SLC24A2: variants seen among roughly 807,000 people sequenced by gnomAD.
SLC24A2 encodes the protein solute carrier family 24 member 2.
SLC24A2 carries 36 observed loss-of-function variants against 62.0 expected under a neutral mutation model. That is an observed-to-expected ratio of 0.58 (90% CI 0.44 to 0.77). The LOEUF (loss-of-function observed/expected upper bound fraction) is 0.77, where lower values mean the gene tolerates loss of function less well. Ranked by LOEUF, SLC24A2 falls within the 30% of genes least tolerant of loss-of-function variation. SLC24A2 has a pLI of 0.00. For synonymous variants in SLC24A2, 358 were observed against 294.0 expected (o/e 1.22, Z -2.23); for missense variants, 846 against 817.9 (o/e 1.03, Z -0.42).
chr9:19,533,372 A>C (rs941008103), intron 8 of SLC24A2, among the ~76,000 whole-genome samples: 1 of 152,226 alleles, frequency 6.6e-6, no homozygotes, highest in African/African-American at 2.4e-5. Flanking sequence ...GTGGACTGCA[A>C]AAATGGGCAC....
the SLC24A2 span, among the ~76,000 whole-genome samples, chr9:20,307,467 T>G: frequency 6.6e-6 from 1 of 152,246 alleles, no homozygotes; most frequent in Non-Finnish European, 1.5e-5. Context: ...TTCAAAGCAC[T>G]TTAACAACAA....
intron 4 of SLC24A2, among the ~76,000 whole-genome samples, chr9:19,608,605 G>A (rs1160413169): frequency 6.6e-6 from 1 of 152,162 alleles, no homozygotes. Context: ...AGTTTTCTCA[G>A]AGGTAAAACA....
chr9:19,740,891 G>A (rs576170061), intron 2 of SLC24A2, among the ~76,000 whole-genome samples: 40 of 150,980 alleles, frequency 2.6e-4, no homozygotes, highest in African/African-American at 9.7e-4. Context: ...AAAAGAGAGA[G>A]AGAAAACTAT....
At chr9:20,143,874 G>A in the SLC24A2 span, among the ~76,000 whole-genome samples, 1 of 152,148 alleles carries the variant, frequency 6.6e-6, no homozygotes, top group Non-Finnish European at 1.5e-5. Context: ...ATATTTTGAT[G>A]GTGCGTTATC....
chr9:19,770,388 A>T (rs1443225922), intron 2 of SLC24A2, among the ~76,000 whole-genome samples: 1 of 151,782 alleles, frequency 6.6e-6, no homozygotes, highest in African/African-American at 2.4e-5. Context: ...CAAGATTAAT[A>T]CTATATGCAT....
chr9:20,220,727 C>A, the SLC24A2 span, among the ~76,000 whole-genome samples: 1 of 152,104 alleles, frequency 6.6e-6, no homozygotes, highest in Non-Finnish European at 1.5e-5. Flanking sequence ...TCACGATGGC[C>A]TTACTTTTAA....
the SLC24A2 span, among the ~76,000 whole-genome samples, chr9:19,826,916 G>A: frequency 6.6e-6 from 1 of 152,036 alleles, no homozygotes; most frequent in East Asian, 1.9e-4. Flanking sequence ...GTGAGTCCTG[G>A]GAGCAGTTTG....
At chr9:20,103,419 C>T in the SLC24A2 span, among the ~76,000 whole-genome samples, 1 of 152,196 alleles carries the variant, frequency 6.6e-6, no homozygotes, top group Non-Finnish European at 1.5e-5. Flanking sequence ...GACCCCTGAC[C>T]CCCGAGCAGC....
the SLC24A2 span, among the ~76,000 whole-genome samples, chr9:20,017,495 A>G: frequency 1.3e-5 from 2 of 152,184 alleles, no homozygotes; most frequent in Non-Finnish European, 2.9e-5. Context: ...AAGGGACAGA[A>G]CTAATAGGAT....
chr9:19,528,179 C>G, intron 8 of SLC24A2, 41 bp from the exon 9 acceptor site: 1 of 1,265,146 alleles, frequency 7.9e-7, no homozygotes, highest in Non-Finnish European at 1.1e-6. Flanking sequence ...TCAGTGTTAT[C>G]CATTGAGACT....
chr9:20,224,020 C>A, the SLC24A2 span, among the ~76,000 whole-genome samples: 50 of 152,034 alleles, frequency 3.3e-4, no homozygotes, highest in African/African-American at 1.2e-3. Context: ...ACACTTTAAA[C>A]CATCAGATCT....
chr9:20,174,197 C>T, the SLC24A2 span, among the ~76,000 whole-genome samples: 1 of 152,100 alleles, frequency 6.6e-6, no homozygotes, highest in South Asian at 2.1e-4. Flanking sequence ...CAAAAATCAA[C>T]TCAAGACGGA....
At chr9:20,278,240 A>C in the SLC24A2 span, among the ~76,000 whole-genome samples, 2 of 152,214 alleles carry the variant, frequency 1.3e-5, no homozygotes, top group Non-Finnish European at 2.9e-5. Context: ...ATAATAAAAA[A>C]ATTAAAAATA....
At chr9:19,957,243 T>C in the SLC24A2 span, among the ~76,000 whole-genome samples, 1 of 149,616 alleles carries the variant, frequency 6.7e-6, no homozygotes, top group South Asian at 2.2e-4. Context: ...GCCAGTTGTG[T>C]CTCTAGATCT....
At chr9:19,644,739 A>T (rs1449456319) in intron 2 of SLC24A2, among the ~76,000 whole-genome samples, 6 of 151,994 alleles carry the variant, frequency 3.9e-5, no homozygotes, top group East Asian at 3.9e-4. Flanking sequence ...GTTTTTTTTT[A>T]AAAACATGAC....
At chr9:20,172,252 C>T in the SLC24A2 span, among the ~76,000 whole-genome samples, 53 of 152,026 alleles carry the variant, frequency 3.5e-4, 1 homozygote, top group South Asian at 9.7e-3. Context: ...ATCAAAAAGT[C>T]TGAAAGAGCA....
intron 2 of SLC24A2, among the ~76,000 whole-genome samples, chr9:19,713,811 C>T (rs1820784008): frequency 6.6e-6 from 1 of 151,980 alleles, no homozygotes; most frequent in Admixed American, 6.6e-5. Flanking sequence ...TTGTTATAAT[C>T]TTTCTGAATT....
chr9:20,029,344 C>G, the SLC24A2 span, among the ~76,000 whole-genome samples: 1 of 152,194 alleles, frequency 6.6e-6, no homozygotes, highest in South Asian at 2.1e-4. Context: ...TAGGTGCTCT[C>G]TAATAATGAC....
At chr9:20,074,633 G>C in the SLC24A2 span, among the ~76,000 whole-genome samples, 20 of 131,414 alleles carry the variant, frequency 1.5e-4, no homozygotes, top group African/African-American at 5.0e-4. Context: ...GAGGGAGGGA[G>C]GGACGGGAAG....
Sources: allele counts gnomAD v4.1 joint callset (sites outside exome capture counted in the v4.1 genomes callset), GRCh38; gene constraint gnomAD v4.1.1; transcripts MANE v1.5; gene names NCBI Gene and HGNC (gene_info 2026-07-23, HGNC 2026-07-21).